The following RIF1 variants were observed in gnomAD, a reference collection of about 807,000 sequenced individuals.
RIF1 encodes replication timing regulatory factor 1.
Under a neutral mutation model 247.1 loss-of-function variants are expected in RIF1, and 45 were observed. The observed-to-expected ratio is 0.18, with a 90% CI of 0.14 to 0.23. The LOEUF (loss-of-function observed/expected upper bound fraction) is 0.23, where lower values mean the gene tolerates loss of function less well. RIF1 is among the 10% of genes least tolerant of loss of function. RIF1 has a pLI of 1.00. For synonymous variants in RIF1, 1,087 were observed against 978.8 expected (o/e 1.11, Z -2.06); for missense variants, 2,967 against 2,862.5 (o/e 1.04, Z -0.83).
In RIF1 at chr2:151,474,975, A is replaced by C. The variant is rs752944050; in HGVS notation, c.7323A>C (p.Leu2441=). The change falls in exon 36 of 36, where the codon CTA becomes CTC. Residue 2441 remains leucine (L), a synonymous_variant. Coordinates refer to ENST00000444746, the MANE Select transcript of RIF1 (RefSeq NM_018151.5). ...TTCATAATTATTCAGGAAGCCAACT[A>C]TTTGAAATGCACGAGAAACTAAGTT... ...EDLHNYSGSQ[L]FEMHEKLSCM... is the part of the protein sequence containing the mutation. 3 of 1,613,490 alleles carry C rather than the reference A, an allele frequency of 1.9e-6. No individual in the cohort carries two copies. The highest frequency in any genetic ancestry group is 2.5e-6 in the Non-Finnish European group (3 of 1,179,498).
chr2:151,472,021 T>A lies in RIF1; in HGVS notation c.7096-1943T>A, dbSNP rs1004838192. 2.0e-5 allele frequency among the ~76,000 whole-genome samples: 3 copies of A among 152,192 alleles called. 1 individual carries two copies. Among genetic ancestry groups the A allele is most frequent in the East Asian group, 1.9e-4 (1 of 5,198 alleles). On this transcript the variant is annotated intron_variant, in intron 34 of 35. Coordinates refer to ENST00000444746, the MANE Select transcript of RIF1 (RefSeq NM_018151.5). Reference sequence around the variant, plus strand: ...CCATGAGCATGGAATGTTCTTCCATTTGTTTGTGTCCTCTTTTATTTCATT... The same window carrying A: ...CCATGAGCATGGAATGTTCTTCCATATGTTTGTGTCCTCTTTTATTTCATT...
chr2:151,421,517 G>A (rs775589131), intron 7 of RIF1, among the ~76,000 whole-genome samples: 6 of 152,116 alleles, frequency 3.9e-5, no homozygotes, highest in Admixed American at 6.6e-5. Context: ...ACTATGGCAG[G>A]GACCATTGTA....
intron 9 of RIF1, chr2:151,490,481 A>G (rs758444605): frequency 6.2e-7 from 1 of 1,609,288 alleles, no homozygotes; most frequent in South Asian, 1.1e-5. Flanking sequence ...GTGCACTGGC[A>G]GATCGTGACT....
At chr2:151,514,955 G>T in the RIF1 span, 2 of 1,404,502 alleles carry the variant, frequency 1.4e-6, no homozygotes, top group Non-Finnish European at 2.0e-6. Context: ...GGAAAGACAA[G>T]TTAAAAAAAA....
At chr2:151,501,834 G>GGAGA (rs1377696563) in intron 11 of RIF1, among the ~76,000 whole-genome samples, 1 of 151,712 alleles carries the variant, frequency 6.6e-6, no homozygotes. Context: ...CAAAGAAAGA[G>GGAGA]GAGAGAGAGA....
intron 6 of RIF1, among the ~76,000 whole-genome samples, chr2:151,419,554 G>C (rs538094801): frequency 4.6e-5 from 7 of 152,164 alleles, no homozygotes; most frequent in African/African-American, 1.7e-4. Context: ...TCGATCTCCT[G>C]ACCTCATGAT....
intron 9 of RIF1, chr2:151,493,969 TAGTG>T (rs2152868271): frequency 1.1e-6 from 1 of 914,318 alleles, no homozygotes; most frequent in East Asian, 2.6e-5. Context: ...CTATTACTAT[TAGTG>T]AGAACACCTC....
At position 151,416,648 on chromosome 2, in the gene RIF1, T is replaced by C. The variant is rs1302499212; in HGVS notation, c.368T>C (p.Ile123Thr). ...KNVRTRALWV[I>T]SKQTFPSEVV... ...GTACGTACTAGAGCACTTTGGGTGA[T>C]ATCTAAGCAGACATTTCCCTCTGAA... is the stretch of plus-strand genomic sequence containing the variant. Residue 123 changes from isoleucine to threonine, a missense_variant, in exon 5 of 36, where the codon ATA (isoleucine) becomes ACA (threonine). Coordinates refer to ENST00000444746, the MANE Select transcript of RIF1 (RefSeq NM_018151.5). The C allele has an allele frequency of 1.2e-6, 2 of 1,612,968 alleles. No homozygotes were observed. Among genetic ancestry groups the C allele is most frequent in the Non-Finnish European group, 8.5e-7 (1 of 1,179,728 alleles).
chr2:151,531,761 T>C, the RIF1 span: 1 of 1,518,378 alleles, frequency 6.6e-7, no homozygotes. Context: ...CCCCTGAGTT[T>C]GAGAAGGTAT....
At chr2:151,485,989 C>T (rs2049986615), downstream of RIF1, 1 of 1,536,208 alleles carries the variant, frequency 6.5e-7, no homozygotes, top group African/African-American at 1.4e-5. Flanking sequence ...CAACAGTTAA[C>T]ACACATCTAT....
chr2:151,410,674 G>C (rs1686001287), intron 2 of RIF1, 147 bp downstream of exon 2: 1 of 669,986 alleles, frequency 1.5e-6, no homozygotes, highest in Non-Finnish European at 2.6e-6. Context: ...CTTGGGGGGC[G>C]GGGGAGATGT....
At chr2:151,411,715 T>G (rs1311136133) in intron 3 of RIF1, among the ~76,000 whole-genome samples, 1 of 152,188 alleles carries the variant, frequency 6.6e-6, no homozygotes, top group African/African-American at 2.4e-5. Context: ...TTGGTGGTTT[T>G]TAAAAGTTTT....
chr2:151,430,365 G>A (rs773703168), intron 9 of RIF1, among the ~76,000 whole-genome samples: 10 of 142,740 alleles, frequency 7.0e-5, no homozygotes, highest in South Asian at 2.2e-4. Context: ...TGTGTTGCTC[G>A]GGCTGGAGTG....
chr2:151,463,683 C>G lies in RIF1; in HGVS notation c.4163C>G (p.Thr1388Arg), dbSNP rs1476339344. ...VEINLESKENTPPVVISADQM... is the reference protein window; with the variant it reads ...VEINLESKENRPPVVISADQM... ...ATTAATTTGGAATCCAAAGAGAATA[C>G]ACCCCCAGTAGTAATATCAGCAGAT... The change falls in exon 30 of 36, where the codon ACA (threonine) becomes AGA (arginine). Residue 1388 changes from threonine to arginine, a missense_variant. Thr to Arg is a moderately conservative substitution (Grantham distance 71). Around this residue, in one of 7 missense-constraint regions of RIF1, gnomAD observed 2,028 missense variants for 1,825.6 expected, o/e 1.11. Coordinates refer to ENST00000444746, the MANE Select transcript of RIF1 (RefSeq NM_018151.5). 1.2e-6 allele frequency: 2 copies of G among 1,613,840 alleles called. No homozygotes were observed. The highest frequency in any genetic ancestry group is 2.2e-5 in the South Asian group (2 of 91,066).
chr2:151,530,987 T>C, the RIF1 span: 18 of 1,592,568 alleles, frequency 1.1e-5, no homozygotes, highest in Non-Finnish European at 1.5e-5. Flanking sequence ...ACCATTCTAG[T>C]ACTTACATCA....
rs1408540168 is a variant in RIF1, at chr2:151,489,989, A to G, written c.*416-5240A>G. The stretch of plus-strand genomic sequence containing the variant: ...CACTTACTCCAGCAGTAGATGGATG[A>G]GATGGGATGGAAGATACCGTTGTCT... On this transcript the variant is annotated intron_variant and NMD_transcript_variant, in intron 9 of 13. Coordinates refer to the RIF1 transcript ENST00000454583. 2 of 1,604,342 alleles carry G rather than the reference A, an allele frequency of 1.2e-6. No individual in the cohort carries two copies. Among genetic ancestry groups the G allele is most frequent in the South Asian group, 2.2e-5 (2 of 90,880 alleles).
At chr2:151,410,376 G>C in intron 1 of RIF1, 38 bp from the exon 2 acceptor site, 3 of 1,547,216 alleles carry the variant, frequency 1.9e-6, no homozygotes, top group African/African-American at 1.4e-5. Context: ...TGTTTCCATC[G>C]GTCACTGGAT....
Position 151,446,562 on chromosome 2 carries a change from A to T in RIF1, c.2231A>T (p.Asp744Val), listed in dbSNP as rs1204765116. 3 of 1,612,262 alleles carry T rather than the reference A, an allele frequency of 1.9e-6. No homozygotes were observed. Among genetic ancestry groups the T allele is most frequent in the Non-Finnish European group, 2.5e-6 (3 of 1,179,754 alleles). The change falls in exon 20 of 36, where the codon GAT becomes GTT. Residue 744 changes from aspartate (D) to valine (V), a missense_variant. Asp to Val is a radical substitution (Grantham distance 152). Coordinates refer to ENST00000444746, the MANE Select transcript of RIF1 (RefSeq NM_018151.5). ...LSSKIMSSLE[D>V]EGFSNLLFVD... ...TCCAAGATAATGTCCAGTTTGGAAGATGAAGGCTTTTCTGTGAGTTTGTCC... is the reference window on the plus strand; with the variant it reads ...TCCAAGATAATGTCCAGTTTGGAAGTTGAAGGCTTTTCTGTGAGTTTGTCC...
In RIF1 at chr2:151,411,357, A is replaced by T. The variant is rs371737740; in HGVS notation, c.183+19A>T. ...TTTAAAGGTATGTATCTGTTTGTTA[A>T]ACAGTTTTTCACTTTTGGTAGTTTG... On this transcript the variant is annotated intron_variant, in intron 3 of 35. Coordinates refer to ENST00000444746, the MANE Select transcript of RIF1 (RefSeq NM_018151.5). 1.3e-5 allele frequency: 20 copies of T among 1,487,944 alleles called. No individual in the cohort carries two copies. Among genetic ancestry groups the T allele is most frequent in the Non-Finnish European group, 1.7e-5 (18 of 1,088,614 alleles). 92.2% of individuals were successfully genotyped at this position (1,487,944 alleles called of 1,614,324 possible). A position where few individuals can be genotyped will look rare whatever the true frequency, so the allele number is the denominator to read the frequency against.
Sources: allele counts gnomAD v4.1 joint callset (sites outside exome capture counted in the v4.1 genomes callset), GRCh38; gene constraint gnomAD v4.1.1; regional missense constraint gnomAD v4.1.1; transcripts MANE v1.5; gene names NCBI Gene and HGNC (gene_info 2026-07-23, HGNC 2026-07-21).